Variants in PLXNB1 observed in about 807,000 individuals in gnomAD.
PLXNB1 encodes the protein plexin B1.
In PLXNB1, 106 loss-of-function variants were observed where a neutral mutation model predicts 209.4. The observed-to-expected ratio is 0.51, with a 90% CI of 0.43 to 0.59. PLXNB1 has a LOEUF of 0.59. Ranked by LOEUF, PLXNB1 falls within the 20% of genes least tolerant of loss-of-function variation. The pLI, the probability that PLXNB1 is intolerant of heterozygous loss-of-function variation, is 0.00. For synonymous variants in PLXNB1, 1,167 were observed against 1,183.2 expected (o/e 0.99, Z 0.28); for missense variants, 2,357 against 2,853.2 (o/e 0.83, Z 3.96).
chr3:48,413,628 C>A lies in PLXNB1; in HGVS notation c.4535+42G>T. On this transcript the variant is annotated intron_variant, in intron 23 of 37. Transcript: ENST00000296440. The surrounding 1 kb of genome is among the most constrained non-coding windows in gnomAD (Gnocchi z 5.4). ...CTGTCCCTTCCCAGTCCAGCCAGAT[C>A]CCACGACCTGCCCCAGCCCAGCCAC... The A allele has an allele frequency of 6.4e-7, 1 of 1,566,126 alleles. No homozygotes were observed.
rs2037575800 is a variant in PLXNB1, at chr3:48,410,135, T to A, written c.5606-58A>T. On this transcript the variant is annotated intron_variant, in intron 31 of 37. Transcript: ENST00000296440. This position sits in a 1 kb window ranked among gnomAD's most constrained non-coding sequence, Gnocchi z 6.4. ...CCAGGTGCCACCTCCCCAGGCCCCC[T>A]GTTTCTTGCCAGCTCTCCCAGGGGT... 2.0e-6 allele frequency: 3 copies of A among 1,516,794 alleles called. No individual in the cohort carries two copies. In the Admixed American group the frequency reaches 6.3e-5, roughly 32 times the overall value. 94.0% of individuals were successfully genotyped at this position (1,516,794 alleles called of 1,614,324 possible). A position where few individuals can be genotyped will look rare whatever the true frequency, so the allele number is the denominator to read the frequency against.
chr3:48,418,191 C>T lies in PLXNB1; in HGVS notation c.3222G>A (p.Ser1074=), dbSNP rs751454294. The T allele has an allele frequency of 1.9e-6, 3 of 1,609,926 alleles. No individual in the cohort carries two copies. Among genetic ancestry groups the T allele is most frequent in the Admixed American group, 3.4e-5 (2 of 59,418 alleles). ...AGGGATGGCCAGCCTTTCAACAAAC[C>T]GAGTGGATGAGGGGCGCTGGGCACT... is the stretch of plus-strand genomic sequence containing the variant. ...ATQCPAPLIH[S]VEPLTGPVDG... The change falls in exon 15 of 38, where the codon TCG becomes TCA. Residue 1074 remains serine (S), a splice_region_variant and synonymous_variant. Coordinates refer to ENST00000296440, the MANE Select transcript of PLXNB1 (RefSeq NM_001130082.3). The surrounding 1 kb of genome is among the most constrained non-coding windows in gnomAD (Gnocchi z 6.6).
chr3:48,428,628 G>A (rs1421183099), intron 1 of PLXNB1, among the ~76,000 whole-genome samples: 1 of 152,182 alleles, frequency 6.6e-6, no homozygotes, highest in East Asian at 1.9e-4. Flanking sequence ...TCACCCTCCT[G>A]CTCAGCTCCC....
chr3:48,414,953 CGGACCCAGG>C lies in PLXNB1; in HGVS notation c.4046_4054del (p.Pro1349_Val1351del), dbSNP rs770818169. The C allele has an allele frequency of 6.2e-7, 1 of 1,613,914 alleles. No individual in the cohort carries two copies. The highest frequency in any genetic ancestry group is 1.3e-5 in the African/African-American group (1 of 75,060). On this transcript the variant is annotated inframe_deletion, in exon 21 of 38. Coordinates refer to ENST00000296440, the MANE Select transcript of PLXNB1 (RefSeq NM_001130082.3). ...CAGGTTGTCAAGGATAAATTCCACC[CGGACCCAGG>C]GGTCCTCAGGCAGGCCTGGGAGGGC...
Position 48,419,097 on chromosome 3 carries a change from G to A in PLXNB1, c.2833-58C>T, listed in dbSNP as rs965219560. ...TCAGGAGCTGGGCCCAGGGAGTCCT[G>A]CAGGTCACCCAACAGATCCCCCAGC... On this transcript the variant is annotated intron_variant, in intron 12 of 37. Coordinates refer to ENST00000296440, the MANE Select transcript of PLXNB1 (RefSeq NM_001130082.3). This position sits in a 1 kb window ranked among gnomAD's most constrained non-coding sequence, Gnocchi z 5.7. 3 of 1,601,110 alleles carry A rather than the reference G, an allele frequency of 1.9e-6. No homozygotes were observed. Among genetic ancestry groups the A allele is most frequent in the African/African-American group, 1.3e-5 (1 of 74,728 alleles).
At position 48,417,983 on chromosome 3, in the gene PLXNB1, T is replaced by C; in HGVS notation, c.3302A>G (p.Asp1101Gly). 2 of 1,613,432 alleles carry C rather than the reference T, an allele frequency of 1.2e-6. No homozygotes were observed. Among genetic ancestry groups the C allele is most frequent in the Non-Finnish European group, 8.5e-7 (1 of 1,180,002 alleles). ...AGCCACCGTGACCATGCCCAGCACA[T>C]CCTGCACATGCTGGCCCAGGTTGGA... Reference protein sequence around the residue: ...RGSNLGQHVQDVLGMVTVAGV... With the variant: ...RGSNLGQHVQGVLGMVTVAGV... Residue 1101 changes from aspartate (D) to glycine (G), a missense_variant, in exon 16 of 38, where the codon GAT becomes GGT. Physicochemically the swap from Asp to Gly is moderately conservative, Grantham distance 94 (BLOSUM62 -1). This residue lies in a region of PLXNB1 where 743 missense variants were observed against 896.2 expected (regional missense o/e 0.83). Coordinates refer to ENST00000296440, the MANE Select transcript of PLXNB1 (RefSeq NM_001130082.3). The surrounding 1 kb of genome is among the most constrained non-coding windows in gnomAD (Gnocchi z 4.4).
chr3:48,413,002 A>C lies in PLXNB1; in HGVS notation c.4637-43T>G, dbSNP rs759771839. On this transcript the variant is annotated intron_variant, in intron 24 of 37. Coordinates refer to ENST00000296440, the MANE Select transcript of PLXNB1 (RefSeq NM_001130082.3). The surrounding 1 kb of genome is among the most constrained non-coding windows in gnomAD (Gnocchi z 5.4). ...CCAGGTTAAGCACCTGTTAAGCACC[A>C]ATCCCGTGTGATGGGAGTGGGTTTG... 1 of 1,609,696 alleles carries C rather than the reference A, an allele frequency of 6.2e-7. No homozygotes were observed.
In PLXNB1 at chr3:48,410,739, A is replaced by G; in HGVS notation, c.5416+129T>C. ...AGAGGCTGTCCAAGAAAGATGTTCC[A>G]AAGCCAGCTTCTGCCTGCCTCCCAG... On this transcript the variant is annotated intron_variant, in intron 29 of 37. Transcript: ENST00000296440. This position sits in a 1 kb window ranked among gnomAD's most constrained non-coding sequence, Gnocchi z 6.4. 2 of 1,058,502 alleles carry G rather than the reference A, an allele frequency of 1.9e-6. No homozygotes were observed. Among genetic ancestry groups the G allele is most frequent in the East Asian group, 5.2e-5 (2 of 38,516 alleles). The allele number at this position is 1,058,502 out of a possible 1,614,324, so 65.6% of individuals were successfully genotyped here.
chr3:48,410,783 T>C lies in PLXNB1; in HGVS notation c.5416+85A>G. On this transcript the variant is annotated intron_variant, in intron 29 of 37. Coordinates refer to ENST00000296440, the MANE Select transcript of PLXNB1 (RefSeq NM_001130082.3). The surrounding 1 kb of genome is among the most constrained non-coding windows in gnomAD (Gnocchi z 6.4). ...CTCCCAGCATCCTCCCCACCCTGAGTGATGAGTTGTCCCTGCAGAGTTGGT... is the reference window on the plus strand; with the variant it reads ...CTCCCAGCATCCTCCCCACCCTGAGCGATGAGTTGTCCCTGCAGAGTTGGT... 1 of 1,339,306 alleles carries C rather than the reference T, an allele frequency of 7.5e-7. No individual in the cohort carries two copies. Among genetic ancestry groups the C allele is most frequent in the Non-Finnish European group, 1.0e-6 (1 of 971,854 alleles). 83.0% of individuals were successfully genotyped at this position (1,339,306 alleles called of 1,614,324 possible).
rs200970017 is a variant in PLXNB1 at position 48,419,307 on chromosome 3, C to T, written c.2769G>A (p.Thr923=). The T allele has an allele frequency of 1.3e-5, 21 of 1,598,630 alleles. No homozygotes were observed. Among genetic ancestry groups the T allele is most frequent in the Admixed American group, 3.4e-5 (2 of 58,778 alleles). Residue 923 remains threonine, a synonymous_variant, in exon 12 of 38, where the codon ACG becomes ACA. Transcript: ENST00000296440. The surrounding 1 kb of genome is among the most constrained non-coding windows in gnomAD (Gnocchi z 5.7). The stretch of plus-strand genomic sequence containing the variant: ...CCCGCTCCACATGGACCGGCATCAA[C>T]GTGGAGCCCTGAACGCTCTCCACAC... ...CPCVESVQGS[T]LMPVHVEREI...
Position 48,418,903 on chromosome 3 carries a change from C to T in PLXNB1, c.2955+14G>A, listed in dbSNP as rs1009517884. ...CAGTGCACCCGTGCCCACCCAGGCG[C>T]TCATGGTGTGCACCTGGTGCTGCTG... On this transcript the variant is annotated intron_variant, in intron 13 of 37. Coordinates refer to ENST00000296440, the MANE Select transcript of PLXNB1 (RefSeq NM_001130082.3). This position sits in a 1 kb window ranked among gnomAD's most constrained non-coding sequence, Gnocchi z 6.6. 1 of 1,613,774 alleles carries T rather than the reference C, an allele frequency of 6.2e-7. No homozygotes were observed. Among genetic ancestry groups the T allele is most frequent in the Admixed American group, 1.7e-5 (1 of 60,022 alleles).
rs372856635 is a variant in PLXNB1, at chr3:48,415,568, C to A, written c.3794+15G>T. 1.0e-5 allele frequency: 16 copies of A among 1,560,092 alleles called. No homozygotes were observed. Among genetic ancestry groups the A allele is most frequent in the African/African-American group, 4.0e-5 (3 of 74,126 alleles). ...CCCTGCCACCTGCCATGCAGCCACA[C>A]CCCTGGCCCAACACCTGAGGAAGCT... On this transcript the variant is annotated intron_variant, in intron 19 of 37. Coordinates refer to ENST00000296440, the MANE Select transcript of PLXNB1 (RefSeq NM_001130082.3). This position sits in a 1 kb window ranked among gnomAD's most constrained non-coding sequence, Gnocchi z 5.0.
At position 48,418,465 on chromosome 3, in the gene PLXNB1, A is replaced by G. The variant is rs2038248105; in HGVS notation, c.3033T>C (p.Ser1011=). The G allele has an allele frequency of 6.2e-7, 1 of 1,613,190 alleles. No individual in the cohort carries two copies. The highest frequency in any genetic ancestry group is 1.1e-5 in the South Asian group (1 of 91,030). Residue 1011 remains serine, a synonymous_variant, in exon 14 of 38, where the codon AGT becomes AGC. Transcript: ENST00000296440. The surrounding 1 kb of genome is among the most constrained non-coding windows in gnomAD (Gnocchi z 6.6). ...GTGGCTCACCATGCAGCCCCTCAGCACTGTCCACACGCAGACGGCCGGCCC... is the reference window on the plus strand; with the variant it reads ...GTGGCTCACCATGCAGCCCCTCAGCGCTGTCCACACGCAGACGGCCGGCCC... ...LRRAGRLRVD[S]AEGLHVVLYD...
rs537708301 is a variant in PLXNB1 at position 48,407,818 on chromosome 3, TCTG to T, written c.6088-730_6088-728del. Among the ~76,000 whole-genome samples, 13 of 152,288 alleles carry T rather than the reference TCTG, an allele frequency of 8.5e-5. No homozygotes were observed. The South Asian group carries it at 2.5e-3, about 29-fold the overall frequency. Reference sequence around the variant, plus strand: ...GAGCTACCCAGGAACCATTTGCTGTTCTGCTGGGAAGGGGAGGTACTGGAAGGA... The same window carrying T: ...GAGCTACCCAGGAACCATTTGCTGTTCTGGGAAGGGGAGGTACTGGAAGGA... On this transcript the variant is annotated intron_variant, in intron 34 of 37. Coordinates refer to ENST00000296440, the MANE Select transcript of PLXNB1 (RefSeq NM_001130082.3).
chr3:48,422,987 T>A (rs1405748508), intron 3 of PLXNB1, 40 bp from the exon 4 acceptor site: 1 of 1,577,106 alleles, frequency 6.3e-7, no homozygotes, highest in East Asian at 2.2e-5. Context: ...CCTCCCTGGA[T>A]AACCTCCTCG....
chr3:48,414,121 C>T, intron 21 of PLXNB1, 50 bp from the exon 22 acceptor site: 1 of 1,581,986 alleles, frequency 6.3e-7, no homozygotes, highest in Non-Finnish European at 8.7e-7. Context: ...CCCTCAGATC[C>T]TGTCCTCCCC....
In PLXNB1 at chr3:48,416,753, G is replaced by A. The variant is rs879539275; in HGVS notation, c.3375-302C>T. 3 of 259,916 alleles carry A rather than the reference G, an allele frequency of 1.2e-5. No homozygotes were observed. The highest frequency in any genetic ancestry group is 2.2e-5 in the Non-Finnish European group (3 of 138,372). The allele number at this position is 259,916 out of a possible 1,614,324, so 16.1% of individuals were successfully genotyped here. A position where few individuals can be genotyped will look rare whatever the true frequency, so the allele number is the denominator to read the frequency against. On this transcript the variant is annotated intron_variant, in intron 16 of 37. Transcript: ENST00000296440. The surrounding 1 kb of genome is among the most constrained non-coding windows in gnomAD (Gnocchi z 4.1). ...GGCCCTGTCAGCCTGGTTGTGGGGCGAGCTGCTGAGCAAGTGAGTGGGCAC... is the reference window on the plus strand; with the variant it reads ...GGCCCTGTCAGCCTGGTTGTGGGGCAAGCTGCTGAGCAAGTGAGTGGGCAC...
chr3:48,405,951 T>C lies in PLXNB1; in HGVS notation c.6229-153A>G. The C allele has an allele frequency of 3.2e-6, 2 of 632,690 alleles. 1 individual carries two copies. Among genetic ancestry groups the C allele is most frequent in the Non-Finnish European group, 5.7e-6 (2 of 351,086 alleles). 39.2% of individuals were successfully genotyped at this position (632,690 alleles called of 1,614,324 possible). On this transcript the variant is annotated intron_variant, in intron 36 of 37. Coordinates refer to ENST00000296440, the MANE Select transcript of PLXNB1 (RefSeq NM_001130082.3). This position sits in a 1 kb window ranked among gnomAD's most constrained non-coding sequence, Gnocchi z 5.0. The stretch of plus-strand genomic sequence containing the variant: ...ACAGTGGGAAGCAGAGTCCCCTCCA[T>C]GGCCCAGGGACCCCAGGCCAGGTGT...
In PLXNB1 at chr3:48,420,248, C is replaced by T. The variant is rs966741887; in HGVS notation, c.2038G>A (p.Val680Ile). The change falls in exon 11 of 38, where the codon GTC becomes ATC. Residue 680 changes from valine to isoleucine, a missense_variant. This residue lies in a region of PLXNB1 where 214 missense variants were observed against 297.1 expected (regional missense o/e 0.72). Transcript: ENST00000296440. ...CCTCTTGCAGGAGGGTCTGGGGAGA[C>T]AAGCGGGCTCTGAAGGGGGAGGCAG... is the stretch of plus-strand genomic sequence containing the variant. ...PMVASHQSPL[V>I]SPDPPARGGP... 6.5e-7 allele frequency: 1 copy of T among 1,542,436 alleles called. No homozygotes were observed. The highest frequency in any genetic ancestry group is 2.4e-5 in the East Asian group (1 of 40,954).
Sources: allele counts gnomAD v4.1 joint callset (sites outside exome capture counted in the v4.1 genomes callset), GRCh38; gene constraint gnomAD v4.1.1; regional missense constraint gnomAD v4.1.1; non-coding constraint Gnocchi (gnomAD v3.1); transcripts MANE v1.5; gene names NCBI Gene and HGNC (gene_info 2026-07-23, HGNC 2026-07-21).